The following RP1 variants were observed in gnomAD, a reference collection of about 807,000 sequenced individuals.
RP1 encodes the protein RP1 axonemal microtubule associated.
Under a neutral mutation model 14.8 loss-of-function variants are expected in RP1, and 16 were observed. The observed-to-expected ratio is 1.08, with a 90% CI of 0.73 to 1.65. RP1 has a LOEUF of 1.65. Ranked by LOEUF, RP1 falls within the 40% of genes most tolerant of loss-of-function variation. The probability of loss-of-function intolerance (pLI) is 0.00; values close to 1 mark genes in which losing one functional copy is unlikely to be tolerated. For missense variants in RP1, 2,631 were observed against 2,535.0 expected (o/e 1.04, Z -0.81); for synonymous variants, 876 against 883.6 (o/e 0.99, Z 0.15).
exon 4 of RP1, chr8:54,649,146 A>G: frequency 6.7e-7 from 1 of 1,484,398 alleles, no homozygotes; most frequent in South Asian, 1.4e-5. Flanking sequence ...AGACATATTT[A>G]CTGTAAGTAA....
chr8:54,856,658 T>C (rs1314423876), intron 26 of RP1, among the ~76,000 whole-genome samples: 2 of 152,148 alleles, frequency 1.3e-5, no homozygotes, highest in African/African-American at 4.8e-5. Context: ...ACTGACCTTA[T>C]GGGCTGTTGT....
intron 19 of RP1, among the ~76,000 whole-genome samples, chr8:54,741,703 GTGTGTATATATATA>G (rs1169183964): frequency 2.3e-5 from 2 of 87,756 alleles, no homozygotes; most frequent in African/African-American, 1.2e-4. Context: ...ATACAAATGT[GTGTGTATATATATA>G]TATATATATA....
At chr8:54,696,631 C>T in intron 12 of RP1, 4 of 825,394 alleles carry the variant, frequency 4.8e-6, no homozygotes, top group Non-Finnish European at 7.8e-6. Context: ...AACCTCATGC[C>T]TTAGAATTGC....
At chr8:54,749,843 T>A (rs949603393) in intron 19 of RP1, among the ~76,000 whole-genome samples, 1 of 151,320 alleles carries the variant, frequency 6.6e-6, no homozygotes, top group African/African-American at 2.4e-5. Context: ...GCTTTGGGAT[T>A]CCAAAGCTTT....
intron 24 of RP1, among the ~76,000 whole-genome samples, chr8:54,790,446 C>T (rs1305030095): frequency 6.6e-6 from 1 of 151,782 alleles, no homozygotes; most frequent in African/African-American, 2.4e-5. Flanking sequence ...GTTGTGGTAA[C>T]ATGAAACTAC....
exon 26 of RP1, chr8:54,852,709 T>C: frequency 1.6e-6 from 2 of 1,232,032 alleles, no homozygotes; most frequent in Non-Finnish European, 2.0e-6. Context: ...AACAATGAAA[T>C]CAAGTTTCAG....
At chr8:54,791,890 A>G (rs1254518767) in intron 24 of RP1, among the ~76,000 whole-genome samples, 2 of 152,082 alleles carry the variant, frequency 1.3e-5, no homozygotes, top group Admixed American at 6.5e-5. Context: ...AATGGATTAA[A>G]TTATTTGATG....
intron 12 of RP1, among the ~76,000 whole-genome samples, chr8:54,688,250 C>T (rs1171697518): frequency 6.6e-6 from 1 of 152,088 alleles, no homozygotes; most frequent in Non-Finnish European, 1.5e-5. Flanking sequence ...ACTTTTCTCC[C>T]ATTCTGTAGG....
chr8:54,774,425 AG>A (rs749140171), downstream of RP1, among the ~76,000 whole-genome samples: 3 of 152,210 alleles, frequency 2.0e-5, no homozygotes, highest in Non-Finnish European at 4.4e-5. Context: ...GGAAAAGAGA[AG>A]TCAACTTGTG....
chr8:54,752,327 A>G (rs1563366094), intron 19 of RP1, among the ~76,000 whole-genome samples: 1 of 152,218 alleles, frequency 6.6e-6, no homozygotes, highest in Non-Finnish European at 1.5e-5. Flanking sequence ...TGTTTGGTCA[A>G]TCAGTGAGTG....
At chr8:54,656,990 A>G (rs1400670171) in intron 6 of RP1, among the ~76,000 whole-genome samples, 1 of 152,116 alleles carries the variant, frequency 6.6e-6, no homozygotes, top group African/African-American at 2.4e-5. Context: ...TTTTGAGGGA[A>G]CATAGACTGG....
In RP1 at chr8:54,644,938, A is replaced by G. The variant is rs148155248; in HGVS notation, c.788-4047A>G. Among the ~76,000 whole-genome samples, 220 of 152,254 alleles carry G rather than the reference A, an allele frequency of 1.4e-3. 1 individual carries two copies. The highest frequency in any genetic ancestry group is 3.6e-3 in the African/African-American group (150 of 41,550). ...TGCTAATCTCTGCCTCCATCTTCAC[A>G]TGACATTTTCCCTGGGTGTCTCTTT... On this transcript the variant is annotated intron_variant, in intron 3 of 22. Coordinates refer to the RP1 transcript ENST00000636932.
intron 24 of RP1, among the ~76,000 whole-genome samples, chr8:54,812,811 C>CTATCTATCTATCTA (rs1563383947): frequency 8.8e-6 from 1 of 113,350 alleles, no homozygotes; most frequent in African/African-American, 3.3e-5. Context: ...CTATCTATCT[C>CTATCTATCTATCTA]TCCGTCTTCT....
chr8:54,722,128 A>G (rs572902438), intron 16 of RP1, among the ~76,000 whole-genome samples: 124 of 152,002 alleles, frequency 8.2e-4, no homozygotes, highest in African/African-American at 2.7e-3. Flanking sequence ...CTGTAATCCC[A>G]GCTACTGGGA....
intron 16 of RP1, among the ~76,000 whole-genome samples, chr8:54,723,491 T>G (rs1275443172): frequency 6.6e-6 from 1 of 152,218 alleles, no homozygotes; most frequent in Non-Finnish European, 1.5e-5. Flanking sequence ...CATTTAACTG[T>G]TCTTGCTAGC....
chr8:54,751,952 C>A (rs938364262), intron 19 of RP1, among the ~76,000 whole-genome samples: 1 of 152,108 alleles, frequency 6.6e-6, no homozygotes, highest in Non-Finnish European at 1.5e-5. Context: ...TATCAGTGGG[C>A]TCTTCTAAGG....
At chr8:54,810,588 C>A (rs1810967387) in intron 24 of RP1, among the ~76,000 whole-genome samples, 1 of 152,126 alleles carries the variant, frequency 6.6e-6, no homozygotes. Flanking sequence ...AACTATTGTT[C>A]CCAAGCAAGT....
At chr8:54,682,507 C>T (rs1436789892) in intron 12 of RP1, among the ~76,000 whole-genome samples, 7 of 152,112 alleles carry the variant, frequency 4.6e-5, no homozygotes, top group African/African-American at 1.4e-4. Flanking sequence ...TATAAAGATA[C>T]ATGCACACAT....
At chr8:54,869,983 G>T (rs1237793770) in exon 29 of RP1, 1 of 927,248 alleles carries the variant, frequency 1.1e-6, no homozygotes, top group Admixed American at 4.3e-5. Flanking sequence ...TGCTTCAAAA[G>T]GCTATTGATC....
Sources: gnomAD v4.1 joint callset for allele counts (sites outside exome capture counted in the v4.1 genomes callset) on GRCh38, gnomAD v4.1.1 for gene constraint, MANE v1.5 for transcripts, NCBI Gene and HGNC (gene_info 2026-07-23, HGNC 2026-07-21) for gene names.